Variants in DLGAP2 observed in about 807,000 individuals in gnomAD.
DLGAP2 encodes the protein DLG associated protein 2, also known as disks large-associated protein 2.
A neutral mutation model predicts 100.3 loss-of-function variants in DLGAP2; 26 were observed. That is an observed-to-expected ratio of 0.26 (90% CI 0.19 to 0.36). The LOEUF (loss-of-function observed/expected upper bound fraction) is 0.36. DLGAP2 is among the 10% of genes least tolerant of loss of function. The pLI is 1.00. For missense variants in DLGAP2, 1,858 were observed against 1,453.2 expected (o/e 1.28, Z -4.53); for synonymous variants, 886 against 630.1 (o/e 1.41, Z -6.08).
chr8:769,618 C>G (rs1338866380), intron 1 of DLGAP2, among the ~76,000 whole-genome samples: 1 of 152,130 alleles, frequency 6.6e-6, no homozygotes, highest in African/African-American at 2.4e-5. Flanking sequence ...TTACAGACAT[C>G]TGTGGTGACG....
At chr8:1,422,508 C>T (rs550324674) in intron 3 of DLGAP2, among the ~76,000 whole-genome samples, 3 of 149,996 alleles carry the variant, frequency 2.0e-5, no homozygotes, top group African/African-American at 4.9e-5. Context: ...TGTAAATCTG[C>T]GTCTTGATCC....
chr8:1,285,042 A>G (rs1417532648), intron 3 of DLGAP2, among the ~76,000 whole-genome samples: 4 of 152,186 alleles, frequency 2.6e-5, no homozygotes, highest in Non-Finnish European at 5.9e-5. Context: ...TTTTTCCATA[A>G]TTTAGCACTA....
At chr8:1,066,444 C>A (rs1803255102) in intron 2 of DLGAP2, among the ~76,000 whole-genome samples, 1 of 150,518 alleles carries the variant, frequency 6.6e-6, no homozygotes, top group Non-Finnish European at 1.5e-5. Context: ...GGCAGCTCCC[C>A]ACCTTGGGCA....
chr8:787,100 G>A (rs534844393), intron 1 of DLGAP2, among the ~76,000 whole-genome samples: 4 of 152,210 alleles, frequency 2.6e-5, no homozygotes, highest in East Asian at 1.9e-4. Context: ...GTAAACTGAC[G>A]ATGCTTTATT....
chr8:1,245,247 C>T (rs1434124170), intron 2 of DLGAP2, among the ~76,000 whole-genome samples: 1 of 152,038 alleles, frequency 6.6e-6, no homozygotes, highest in East Asian at 1.9e-4. Flanking sequence ...TGGTACATAC[C>T]CAAGAGAAAT....
chr8:1,064,428 T>G (rs1336022481), intron 2 of DLGAP2, among the ~76,000 whole-genome samples: 1 of 152,214 alleles, frequency 6.6e-6, no homozygotes, highest in African/African-American at 2.4e-5. Flanking sequence ...TTGATGGATA[T>G]ATAACAAATG....
rs918562480 is a variant in DLGAP2 at position 1,050,288 on chromosome 8, G to A, written c.73+142322G>A. ...TTAGGATGGTTCAAACATGATACAGGTTTCCTGAATGCCATACGAGTGCCC... is the reference window on the plus strand; with the variant it reads ...TTAGGATGGTTCAAACATGATACAGATTTCCTGAATGCCATACGAGTGCCC... On this transcript the variant is annotated intron_variant, in intron 2 of 14. Coordinates refer to ENST00000637795, the MANE Select transcript of DLGAP2 (RefSeq NM_001346810.2). Among the ~76,000 whole-genome samples the A allele has an allele frequency of 3.3e-5, 5 of 152,196 alleles. No individual in the cohort carries two copies. In the South Asian group the frequency reaches 1.0e-3, roughly 32 times the overall value.
intron 12 of DLGAP2, among the ~76,000 whole-genome samples, chr8:1,685,992 C>T (rs895203487): frequency 2.6e-5 from 4 of 152,136 alleles, no homozygotes; most frequent in African/African-American, 9.7e-5. Context: ...TATGAAGTAG[C>T]CACTATGGAA....
chr8:1,307,376 T>C (rs1255923702), intron 3 of DLGAP2, among the ~76,000 whole-genome samples: 1 of 152,156 alleles, frequency 6.6e-6, no homozygotes, highest in African/African-American at 2.4e-5. Flanking sequence ...AGAACAGGTG[T>C]TGGCAAGGAT....
At chr8:1,524,310 C>G (rs1337451322) in intron 4 of DLGAP2, among the ~76,000 whole-genome samples, 2 of 152,152 alleles carry the variant, frequency 1.3e-5, no homozygotes, top group Admixed American at 6.5e-5. Flanking sequence ...GGGGACAACA[C>G]AGACCCTCAC....
chr8:1,361,689 A>G (rs775965454), intron 3 of DLGAP2, among the ~76,000 whole-genome samples: 3 of 152,196 alleles, frequency 2.0e-5, no homozygotes, highest in Non-Finnish European at 2.9e-5. Context: ...ATTGATGTCA[A>G]GCACCTTCGC....
chr8:904,325 G>C (rs1400413549), intron 1 of DLGAP2, among the ~76,000 whole-genome samples: 2 of 152,166 alleles, frequency 1.3e-5, no homozygotes, highest in Non-Finnish European at 2.9e-5. Flanking sequence ...TTTGAGACCA[G>C]CTTGGCCAAT....
At position 1,457,663 on chromosome 8, in the gene DLGAP2, G is replaced by T. The variant is rs539316829; in HGVS notation, c.107-43703G>T. Among the ~76,000 whole-genome samples the T allele has an allele frequency of 1.1e-4, 16 of 152,086 alleles. No homozygotes were observed. The East Asian group carries it at 2.5e-3, about 24-fold the overall frequency. On this transcript the variant is annotated intron_variant, in intron 3 of 14. Transcript: ENST00000637795. ...CTTACAGGCAATTTTTCCTCACTAT[G>T]TTAATTGCCATATTTCTCTTCCCTC...
At chr8:1,501,315 C>T (rs766046812) in intron 3 of DLGAP2, 51 bp from the exon 4 acceptor site, 40 of 1,518,412 alleles carry the variant, frequency 2.6e-5, no homozygotes, top group Middle Eastern at 1.7e-4. Flanking sequence ...GGAATGACTG[C>T]AGTCTACACC....
intron 2 of DLGAP2, among the ~76,000 whole-genome samples, chr8:1,040,220 ATGGTCGGCTCGGTTTCTG>A (rs1802292534): frequency 1.2e-5 from 1 of 81,444 alleles, no homozygotes; most frequent in African/African-American, 4.8e-5. Context: ...CTCGGTGTGC[ATGGTCGGCTCGGTTTCTG>A]TGGTCAGCTC....
At chr8:984,087 C>T (rs752756665) in intron 2 of DLGAP2, among the ~76,000 whole-genome samples, 2 of 152,130 alleles carry the variant, frequency 1.3e-5, no homozygotes, top group South Asian at 2.1e-4. Context: ...CTTTTGGGCA[C>T]CTGTCCCTAC....
At chr8:1,073,644 C>G (rs962959158) in intron 2 of DLGAP2, among the ~76,000 whole-genome samples, 6 of 152,210 alleles carry the variant, frequency 3.9e-5, no homozygotes, top group African/African-American at 1.4e-4. Flanking sequence ...GAAGGGGATG[C>G]AAAGCCCTGC....
chr8:890,467 C>T (rs912427410), intron 1 of DLGAP2, among the ~76,000 whole-genome samples: 5 of 151,898 alleles, frequency 3.3e-5, no homozygotes, highest in Non-Finnish European at 4.4e-5. Flanking sequence ...TGGGGATGTG[C>T]GCTGTCTTCC....
chr8:1,469,704 T>G (rs73534691), intron 3 of DLGAP2, among the ~76,000 whole-genome samples: 10,558 of 152,232 alleles, frequency 0.069, 1,198 homozygotes, highest in African/African-American at 0.24. Context: ...AGAATTCTTT[T>G]TTGTATTAAA....
Sources: allele counts gnomAD v4.1 joint callset (sites outside exome capture counted in the v4.1 genomes callset), GRCh38; gene constraint gnomAD v4.1.1; transcripts MANE v1.5; gene names NCBI Gene and HGNC (gene_info 2026-07-23, HGNC 2026-07-21).